CDK14: variants seen among roughly 807,000 people sequenced by gnomAD.
CDK14 encodes cyclin-dependent kinase 14.
In CDK14, 34 loss-of-function variants were observed where a neutral mutation model predicts 60.7. That is an observed-to-expected ratio of 0.56 (90% CI 0.43 to 0.75). The LOEUF is 0.75. Ranked by LOEUF, CDK14 falls within the 30% of genes least tolerant of loss-of-function variation. The pLI is 0.00. For synonymous variants in CDK14, 197 were observed against 203.7 expected (o/e 0.97, Z 0.28); for missense variants, 482 against 564.1 (o/e 0.85, Z 1.47).
At chr7:90,892,579 G>T (rs1482562113) in intron 6 of CDK14, among the ~76,000 whole-genome samples, 1 of 152,102 alleles carries the variant, frequency 6.6e-6, no homozygotes, top group African/African-American at 2.4e-5. Context: ...CAGCCACAGA[G>T]AAATCAAATC....
intron 11 of CDK14, among the ~76,000 whole-genome samples, chr7:91,061,638 G>C (rs778770913): frequency 9.9e-5 from 15 of 152,226 alleles, no homozygotes; most frequent in Admixed American, 2.0e-4. Flanking sequence ...CTCAGCTGCA[G>C]GTCTGTTGAG....
At chr7:91,174,957 C>T (rs1209980295) in intron 14 of CDK14, among the ~76,000 whole-genome samples, 9 of 145,892 alleles carry the variant, frequency 6.2e-5, no homozygotes, top group Admixed American at 2.7e-4. Context: ...ATACAGAGAA[C>T]GCCACAAAGA....
At chr7:90,858,090 A>G (rs1266664922) in intron 5 of CDK14, among the ~76,000 whole-genome samples, 1 of 152,222 alleles carries the variant, frequency 6.6e-6, no homozygotes, top group Non-Finnish European at 1.5e-5. Flanking sequence ...TTTGAAATCT[A>G]AAATCTGTCA....
intron 2 of CDK14, among the ~76,000 whole-genome samples, chr7:90,640,697 G>A (rs1309668230): frequency 1.1e-4 from 16 of 152,056 alleles, no homozygotes; most frequent in Admixed American, 1.0e-3. Flanking sequence ...GGTTTGATCT[G>A]TGAGATCATC....
chr7:91,091,556 C>A, intron 12 of CDK14, among the ~76,000 whole-genome samples: 1 of 138,670 alleles, frequency 7.2e-6, no homozygotes, highest in Middle Eastern at 4.0e-3. Flanking sequence ...GTAGTCCCAG[C>A]TACTTGGGAG....
intron 10 of CDK14, among the ~76,000 whole-genome samples, chr7:91,021,890 C>T (rs377375100): frequency 5.3e-4 from 81 of 152,166 alleles, no homozygotes; most frequent in Middle Eastern, 3.2e-3. Flanking sequence ...AATATAGGTG[C>T]CAGTGCTATG....
At chr7:90,663,431 A>C (rs1800904749) in intron 2 of CDK14, among the ~76,000 whole-genome samples, 1 of 152,178 alleles carries the variant, frequency 6.6e-6, no homozygotes, top group Non-Finnish European at 1.5e-5. Flanking sequence ...GGCTCCTGCC[A>C]GTATGTTCAC....
intron 14 of CDK14, among the ~76,000 whole-genome samples, chr7:91,188,799 A>G (rs147539836): frequency 8.5e-5 from 13 of 152,330 alleles, no homozygotes; most frequent in African/African-American, 3.1e-4. Context: ...GTGTATCACT[A>G]CCTTGTGTAA....
intron 5 of CDK14, among the ~76,000 whole-genome samples, chr7:90,793,910 A>T (rs1433753677): frequency 6.6e-6 from 1 of 152,182 alleles, no homozygotes; most frequent in Non-Finnish European, 1.5e-5. Flanking sequence ...TTTCAATAAA[A>T]GTTTGTCAGT....
chr7:91,060,823 G>A (rs1280658539), intron 11 of CDK14, among the ~76,000 whole-genome samples: 3 of 152,118 alleles, frequency 2.0e-5, no homozygotes, highest in South Asian at 4.1e-4. Context: ...CTCTCTGGCT[G>A]CCCTTAACAT....
chr7:90,922,931 C>T lies in CDK14; in HGVS notation c.826+5207C>T, dbSNP rs552641598. On this transcript the variant is annotated intron_variant, in intron 8 of 14. Transcript: ENST00000380050. ...CCTATATACCCGCTTCCCATATGCA[C>T]AGCCTCCCCCACTATTAACATCTGG... is the stretch of plus-strand genomic sequence containing the variant. 1.4e-4 allele frequency among the ~76,000 whole-genome samples: 22 copies of T among 152,188 alleles called. No individual in the cohort carries two copies. In the South Asian group the frequency reaches 4.6e-3, roughly 32 times the overall value.
chr7:91,145,739 AT>A (rs1433177647), intron 14 of CDK14, among the ~76,000 whole-genome samples: 2 of 152,154 alleles, frequency 1.3e-5, no homozygotes, highest in Non-Finnish European at 1.5e-5. Context: ...GAAGCTGCTC[AT>A]CTTCCTTATT....
At chr7:90,778,864 C>G (rs1318135158) in intron 4 of CDK14, among the ~76,000 whole-genome samples, 1 of 106,962 alleles carries the variant, frequency 9.3e-6, no homozygotes, top group Non-Finnish European at 1.9e-5. Flanking sequence ...TCCTTCCTTC[C>G]TTCCTTCCTT....
chr7:90,807,092 C>G (rs916692543), intron 5 of CDK14, among the ~76,000 whole-genome samples: 6 of 152,238 alleles, frequency 3.9e-5, no homozygotes, highest in Non-Finnish European at 7.3e-5. Flanking sequence ...ACTTAAATGT[C>G]CCTGTCTGAC....
Position 90,608,545 on chromosome 7 carries a change from G to C in CDK14, c.123+4296G>C, listed in dbSNP as rs1799469193. ...TGTTTTTTAGCTTTGATGATTGCCA[G>C]AACAAAGTGTTGGCTCTGCCTGGCT... On this transcript the variant is annotated intron_variant, in intron 2 of 14. Coordinates refer to ENST00000380050, the MANE Select transcript of CDK14 (RefSeq NM_001287135.2). 3 of 984,916 alleles carry C rather than the reference G, an allele frequency of 3.0e-6. No homozygotes were observed. In the South Asian group the frequency reaches 1.4e-4, roughly 46 times the overall value. The allele number at this position is 984,916 out of a possible 1,614,324, so 61.0% of individuals were successfully genotyped here.
At chr7:91,075,857 T>C (rs1040128182) in intron 11 of CDK14, among the ~76,000 whole-genome samples, 3 of 152,116 alleles carry the variant, frequency 2.0e-5, no homozygotes, top group African/African-American at 7.2e-5. Context: ...ATGAATGAAC[T>C]CTTATTCACA....
At chr7:91,011,176 A>G (rs560733168) in intron 10 of CDK14, among the ~76,000 whole-genome samples, 8 of 152,108 alleles carry the variant, frequency 5.3e-5, no homozygotes, top group African/African-American at 1.2e-4. Context: ...ATCATCTTGA[A>G]CAACAACAAC....
intron 2 of CDK14, among the ~76,000 whole-genome samples, chr7:90,687,394 A>G (rs1801459373): frequency 6.6e-6 from 1 of 152,160 alleles, no homozygotes; most frequent in African/African-American, 2.4e-5. Context: ...GGGTTGAGGA[A>G]GGCTAATTAA....
intron 14 of CDK14, among the ~76,000 whole-genome samples, chr7:91,182,883 T>G (rs532976183): frequency 6.6e-6 from 1 of 152,370 alleles, no homozygotes; most frequent in Admixed American, 6.5e-5. Context: ...AACCAGATCC[T>G]ATTCCTTATA....
Sources: gnomAD v4.1 joint callset for allele counts (sites outside exome capture counted in the v4.1 genomes callset) on GRCh38, gnomAD v4.1.1 for gene constraint, MANE v1.5 for transcripts, NCBI Gene and HGNC (gene_info 2026-07-23, HGNC 2026-07-21) for gene names.